Variants in POTEI observed in about 807,000 individuals in gnomAD.
POTEI encodes the protein POTE ankyrin domain family, member I.
Under a neutral mutation model 43.4 loss-of-function variants are expected in POTEI, and 14 were observed. The ratio of observed to expected loss-of-function variants is 0.32; its 90% confidence interval spans 0.21 to 0.50. POTEI has a LOEUF of 0.50. Ranked by LOEUF, POTEI falls within the 20% of genes least tolerant of loss-of-function variation. The pLI is 0.98. For synonymous variants in POTEI, 95 were observed against 297.9 expected (o/e 0.32, Z 7.01); for missense variants, 235 against 795.4 (o/e 0.30, Z 8.47).
intron 13 of POTEI, among the ~76,000 whole-genome samples, chr2:130,469,141 A>AAT: frequency 7.4e-6 from 1 of 134,330 alleles, no homozygotes; most frequent in South Asian, 2.6e-4. Flanking sequence ...TGATGTATCA[A>AAT]AAAAAAAAAT....
intron 13 of POTEI, among the ~76,000 whole-genome samples, chr2:130,474,132 G>A (rs559150212): frequency 6.7e-6 from 1 of 149,674 alleles, no homozygotes; most frequent in Admixed American, 6.6e-5. Flanking sequence ...TAAAATAAAA[G>A]TTCACTGAAA....
At position 130,461,085 on chromosome 2, in the gene POTEI, C is replaced by A. The variant is rs1682617382; in HGVS notation, c.*1731G>T. ...AAGCTCTGTACCACTGAGGTACGAA[C>A]CTGTTGCCAATCTGAACACACCTAT... On this transcript the variant is annotated 3_prime_UTR_variant, in exon 15 of 15. Transcript: ENST00000451531. 6.6e-6 allele frequency: 1 copy of A among 151,460 alleles called. No homozygotes were observed. Among genetic ancestry groups the A allele is most frequent in the Non-Finnish European group, 1.5e-5 (1 of 67,984 alleles). The allele number at this position is 151,460 out of a possible 1,614,324, so 9.4% of individuals were successfully genotyped here.
At chr2:130,467,542 C>A (rs1682872101) in intron 13 of POTEI, among the ~76,000 whole-genome samples, 1 of 139,248 alleles carries the variant, frequency 7.2e-6, no homozygotes, top group Non-Finnish European at 1.6e-5. Flanking sequence ...AAACCTAAGA[C>A]CTGAAAACAT....
At chr2:130,483,599 G>GTTTTC (rs1553469021) in intron 9 of POTEI, among the ~76,000 whole-genome samples, 1 of 29,188 alleles carries the variant, frequency 3.4e-5, no homozygotes, top group Admixed American at 6.9e-4. Context: ...TGTCAAACTT[G>GTTTTC]TTTTTTTTTT....
chr2:130,483,908 C>G (rs1434855827), intron 9 of POTEI, among the ~76,000 whole-genome samples: 2 of 150,678 alleles, frequency 1.3e-5, no homozygotes, highest in Non-Finnish European at 2.9e-5. Context: ...AAGTGAGAAT[C>G]AATCAAACAA....
chr2:130,484,317 A>G (rs1683510450), intron 9 of POTEI, among the ~76,000 whole-genome samples: 1 of 144,606 alleles, frequency 6.9e-6, no homozygotes, highest in Non-Finnish European at 1.5e-5. Context: ...TAGAGATGAT[A>G]AATCACTTTG....
At chr2:130,468,622 C>T (rs545013075) in intron 13 of POTEI, among the ~76,000 whole-genome samples, 2 of 152,056 alleles carry the variant, frequency 1.3e-5, no homozygotes, top group South Asian at 4.2e-4. Flanking sequence ...ATGAGCCAAT[C>T]ACCTCCCAGC....
At chr2:130,479,534 AT>A (rs1683325579) in intron 10 of POTEI, among the ~76,000 whole-genome samples, 1 of 76,740 alleles carries the variant, frequency 1.3e-5, no homozygotes, top group African/African-American at 5.1e-5. Flanking sequence ...AATCTGCATT[AT>A]GGTTTTGTAA....
chr2:130,484,266 G>C (rs1424130270), intron 9 of POTEI, among the ~76,000 whole-genome samples: 1 of 149,358 alleles, frequency 6.7e-6, no homozygotes, highest in Non-Finnish European at 1.5e-5. Flanking sequence ...GATGACATAA[G>C]GTTAACAGCG....
At chr2:130,483,531 A>G (rs1436153909) in intron 9 of POTEI, among the ~76,000 whole-genome samples, 1 of 134,222 alleles carries the variant, frequency 7.5e-6, no homozygotes, top group Non-Finnish European at 1.5e-5. Context: ...TATTATAAAG[A>G]GCCAAAACGA....
intron 13 of POTEI, among the ~76,000 whole-genome samples, chr2:130,473,925 A>AT (rs1683090568): frequency 7.8e-6 from 1 of 128,122 alleles, no homozygotes; most frequent in Non-Finnish European, 1.6e-5. Flanking sequence ...TGGGAACTAA[A>AT]CATGAGAACT....
At chr2:130,504,498 C>G (rs1051722194) in intron 1 of POTEI, among the ~76,000 whole-genome samples, 1 of 148,492 alleles carries the variant, frequency 6.7e-6, no homozygotes, top group African/African-American at 2.5e-5. Context: ...TCATGATTTA[C>G]TATAATTTGC....
chr2:130,497,622 A>G (rs1289914963), intron 5 of POTEI: 2 of 44,108 alleles, frequency 4.5e-5, no homozygotes, highest in Non-Finnish European at 5.5e-5. Flanking sequence ...ACCATCTTAC[A>G]TGACTATTTT....
intron 1 of POTEI, among the ~76,000 whole-genome samples, chr2:130,507,394 AT>A: frequency 6.5e-5 from 1 of 15,340 alleles, no homozygotes; most frequent in African/African-American, 2.1e-4. Context: ...ATGTATATAT[AT>A]GTATATATGT....
chr2:130,467,673 A>G (rs1333857460), intron 13 of POTEI, among the ~76,000 whole-genome samples: 2 of 152,118 alleles, frequency 1.3e-5, no homozygotes, highest in Non-Finnish European at 2.9e-5. Flanking sequence ...TAATCATCAA[A>G]CAACAACTTA....
At chr2:130,485,203 A>C (rs139329603) in intron 9 of POTEI, among the ~76,000 whole-genome samples, 19,901 of 150,012 alleles carry the variant, frequency 0.13, 561 homozygotes, top group African/African-American at 0.18. Flanking sequence ...TAGCATATAC[A>C]CAATAGAAAA....
Position 130,508,997 on chromosome 2 carries a change from ACG to A in POTEI, c.237_238del (p.Val80GlyfsTer71). On this transcript the variant is annotated frameshift_variant, in exon 1 of 15. Transcript: ENST00000451531. LOFTEE classifies it high-confidence loss of function. ...GTCGTCGTGGTCTCCAGAAGTGCCCACGTTGCTCTTGCCACTCCCCCTGCAGC... is the reference window on the plus strand; with the variant it reads ...GTCGTCGTGGTCTCCAGAAGTGCCCATTGCTCTTGCCACTCCCCCTGCAGC... 6.6e-7 allele frequency: 1 copy of A among 1,518,400 alleles called. No homozygotes were observed. Among genetic ancestry groups the A allele is most frequent in the Non-Finnish European group, 9.0e-7 (1 of 1,107,264 alleles). 94.1% of individuals were successfully genotyped at this position (1,518,400 alleles called of 1,614,324 possible).
intron 1 of POTEI, among the ~76,000 whole-genome samples, chr2:130,504,986 G>A (rs1210593995): frequency 7.6e-6 from 1 of 131,648 alleles, no homozygotes; most frequent in Non-Finnish European, 1.6e-5. Context: ...CACCAAGGGT[G>A]TTGGTTGTAC....
chr2:130,469,918 GT>G (rs1285439287), intron 13 of POTEI, among the ~76,000 whole-genome samples: 1 of 48,492 alleles, frequency 2.1e-5, no homozygotes, highest in Non-Finnish European at 3.9e-5. Context: ...AGTAAAGCTT[GT>G]AATTTCTCTA....
Sources: allele counts gnomAD v4.1 joint callset (sites outside exome capture counted in the v4.1 genomes callset), GRCh38; gene constraint gnomAD v4.1.1; transcripts MANE v1.5; gene names NCBI Gene and HGNC (gene_info 2026-07-23, HGNC 2026-07-21).